The following SYT14 variants were observed in gnomAD, a reference collection of about 807,000 sequenced individuals.
SYT14 encodes synaptotagmin-14.
SYT14 carries 32 observed loss-of-function variants against 74.2 expected under a neutral mutation model. That is an observed-to-expected ratio of 0.43 (90% CI 0.33 to 0.58). The LOEUF (loss-of-function observed/expected upper bound fraction) is 0.58, where lower values mean the gene tolerates loss of function less well. Ranked by LOEUF, SYT14 falls within the 20% of genes least tolerant of loss-of-function variation. The pLI, the probability that SYT14 is intolerant of heterozygous loss-of-function variation, is 0.05. For missense variants in SYT14, 791 were observed against 981.8 expected (o/e 0.81, Z 2.60); for synonymous variants, 298 against 337.7 (o/e 0.88, Z 1.29).
chr1:210,027,941 A>C (rs2080449822), intron 5 of SYT14, among the ~76,000 whole-genome samples: 1 of 152,296 alleles, frequency 6.6e-6, no homozygotes, highest in Non-Finnish European at 1.5e-5. Context: ...TAATGTTTAA[A>C]TGTACAGTTC....
chr1:209,949,446 G>T (rs1442414978), intron 1 of SYT14, among the ~76,000 whole-genome samples: 3 of 151,978 alleles, frequency 2.0e-5, no homozygotes, highest in Non-Finnish European at 2.9e-5. Context: ...GGTGGCATGT[G>T]CCTGTAGTCC....
chr1:209,993,699 G>A (rs111661902), intron 2 of SYT14, among the ~76,000 whole-genome samples: 33 of 152,186 alleles, frequency 2.2e-4, no homozygotes, highest in East Asian at 1.2e-3. Context: ...AGGCATGGGC[G>A]CCCATGATTG....
chr1:210,147,305 T>C (rs1428587833), intron 7 of SYT14, among the ~76,000 whole-genome samples: 1 of 152,124 alleles, frequency 6.6e-6, no homozygotes, highest in East Asian at 1.9e-4. Flanking sequence ...GGAATAAGAA[T>C]GTTAAGCATA....
rs182585055 is a variant in SYT14 at position 210,068,186 on chromosome 1, G to A, written c.1313-26136G>A. ...TTATTATTTTCTCTTTCTAATCTTT[G>A]GAAATCACATGGATTTTATCTTTTA... On this transcript the variant is annotated intron_variant, in intron 5 of 9. Transcript: ENST00000637265. Among the ~76,000 whole-genome samples the A allele has an allele frequency of 9.6e-3, 1,458 of 151,656 alleles. 14 individuals are homozygous for A. The highest frequency in any genetic ancestry group is 0.014 in the Non-Finnish European group (949 of 67,710).
chr1:210,157,168 G>T (rs986334451), intron 8 of SYT14, among the ~76,000 whole-genome samples: 2 of 151,990 alleles, frequency 1.3e-5, no homozygotes, highest in Non-Finnish European at 2.9e-5. Context: ...GGGTCCAGGC[G>T]CAGTACCTCA....
intron 6 of SYT14, among the ~76,000 whole-genome samples, chr1:210,099,161 G>A (rs1274309569): frequency 2.0e-5 from 3 of 152,054 alleles, no homozygotes; most frequent in Non-Finnish European, 4.4e-5. Context: ...AGGCAAAGTG[G>A]TATAGTTGAA....
intron 7 of SYT14, among the ~76,000 whole-genome samples, chr1:210,103,316 C>T (rs1014907810): frequency 6.6e-6 from 1 of 151,692 alleles, no homozygotes; most frequent in Admixed American, 6.6e-5. Context: ...TTTGGGAGGC[C>T]GAGGTGGGCA....
intron 5 of SYT14, among the ~76,000 whole-genome samples, chr1:210,046,712 A>G (rs914904751): frequency 6.6e-6 from 1 of 152,178 alleles, no homozygotes; most frequent in South Asian, 2.1e-4. Context: ...TTATTACTGA[A>G]TGGTACTTCA....
chr1:210,152,884 GTTT>G (rs552822691), intron 7 of SYT14, among the ~76,000 whole-genome samples: 2 of 151,478 alleles, frequency 1.3e-5, no homozygotes, highest in East Asian at 3.9e-4. Context: ...TTTTTTGTTT[GTTT>G]TTTTTACTTT....
chr1:210,157,174 C>T (rs914329858), intron 8 of SYT14, among the ~76,000 whole-genome samples: 1 of 151,918 alleles, frequency 6.6e-6, no homozygotes, highest in African/African-American at 2.4e-5. Context: ...AGGCGCAGTA[C>T]CTCATGCCTG....
chr1:210,108,469 A>G (rs1423696091), intron 7 of SYT14, among the ~76,000 whole-genome samples: 1 of 152,214 alleles, frequency 6.6e-6, no homozygotes, highest in Non-Finnish European at 1.5e-5. Flanking sequence ...CTAGAATCCA[A>G]ACGAGAGTGG....
chr1:209,942,652 T>C (rs956419228), intron 1 of SYT14, among the ~76,000 whole-genome samples: 2 of 152,202 alleles, frequency 1.3e-5, no homozygotes, highest in African/African-American at 4.8e-5. Context: ...GTGCTAGTTA[T>C]CTTCATATTG....
At chr1:210,156,683 CTTTTTTTTT>C (rs71146208) in intron 8 of SYT14, among the ~76,000 whole-genome samples, 7 of 55,962 alleles carry the variant, frequency 1.3e-4, no homozygotes, top group South Asian at 9.9e-4. Flanking sequence ...GTGGCAGCTT[CTTTTTTTTT>C]TTTTTTTTTT....
chr1:210,038,323 G>C (rs1252970412), intron 5 of SYT14, among the ~76,000 whole-genome samples: 1 of 151,916 alleles, frequency 6.6e-6, no homozygotes, highest in Non-Finnish European at 1.5e-5. Flanking sequence ...CAGATAGGTG[G>C]GTTTCTTGTA....
intron 5 of SYT14, among the ~76,000 whole-genome samples, chr1:210,089,711 T>A (rs2102510309): frequency 6.6e-6 from 1 of 152,352 alleles, no homozygotes; most frequent in Non-Finnish European, 1.5e-5. Flanking sequence ...TCTAGTTTAA[T>A]TCTGTAGTGG....
intron 2 of SYT14, among the ~76,000 whole-genome samples, chr1:209,997,364 A>G (rs1399506697): frequency 6.6e-6 from 1 of 152,098 alleles, no homozygotes; most frequent in Non-Finnish European, 1.5e-5. Flanking sequence ...ACACAATCTC[A>G]TTCATAATAG....
At chr1:209,945,138 A>T (rs1375507567) in intron 1 of SYT14, among the ~76,000 whole-genome samples, 1 of 152,172 alleles carries the variant, frequency 6.6e-6, no homozygotes, top group Non-Finnish European at 1.5e-5. Context: ...CCACTCCAGC[A>T]GCTACTCCCA....
chr1:210,122,850 ATCAG>A (rs1390094531), intron 7 of SYT14, among the ~76,000 whole-genome samples: 1 of 152,188 alleles, frequency 6.6e-6, no homozygotes, highest in African/African-American at 2.4e-5. Flanking sequence ...TGATTTGCAT[ATCAG>A]TCAGTAGTTT....
intron 5 of SYT14, among the ~76,000 whole-genome samples, chr1:210,048,653 G>A (rs527872122): frequency 2.3e-4 from 35 of 152,194 alleles, no homozygotes; most frequent in African/African-American, 6.7e-4. Context: ...GCCAAACCAC[G>A]TCATTTCGCC....
Sources: allele counts gnomAD v4.1 joint callset (sites outside exome capture counted in the v4.1 genomes callset), GRCh38; gene constraint gnomAD v4.1.1; transcripts MANE v1.5; gene names NCBI Gene and HGNC (gene_info 2026-07-23, HGNC 2026-07-21).